The following RADX variants were observed in gnomAD, a reference collection of about 807,000 sequenced individuals.
RADX encodes the protein RPA1 related single stranded DNA binding protein, X-linked.
A neutral mutation model predicts 61.6 loss-of-function variants in RADX; 36 were observed. That is an observed-to-expected ratio of 0.58 (90% confidence interval 0.45 to 0.77). The LOEUF is 0.77. Ranked by LOEUF, RADX falls within the 30% of genes least tolerant of loss-of-function variation. The pLI, the probability that RADX is intolerant of heterozygous loss-of-function variation, is 0.00. For missense variants in RADX, 497 were observed against 651.1 expected (o/e 0.76, Z 2.58); for synonymous variants, 272 against 237.9 (o/e 1.14, Z -1.32).
At chrX:106,657,000 C>T (rs1476469535) in intron 11 of RADX, among the ~76,000 whole-genome samples, 5 of 112,029 alleles carry the variant, frequency 4.5e-5, no homozygotes, top group Admixed American at 3.8e-4. Flanking sequence ...ATTGACTTTT[C>T]CTCTCTAACT....
chrX:106,640,522 A>G (rs1927483122), intron 9 of RADX, 30 bp from the exon 10 acceptor site: 1 of 1,065,972 alleles, frequency 9.4e-7, no homozygotes, highest in African/African-American at 1.9e-5. Context: ...GAATTAGCCT[A>G]AAGTGTTTTC....
Position 106,640,618 on chromosome X carries a change from C to T in RADX, c.1801C>T (p.His601Tyr). The T allele has an allele frequency of 8.4e-7, 1 of 1,196,512 alleles. No individual in the cohort carries two copies. Among genetic ancestry groups the T allele is most frequent in the South Asian group, 1.8e-5 (1 of 55,819 alleles). The change falls in exon 10 of 14, where the codon CAT becomes TAT. Residue 601 changes from histidine (H) to tyrosine (Y), a missense_variant. This residue lies in a region of RADX where 267 missense variants were observed against 306.9 expected (regional missense o/e 0.87). Coordinates refer to ENST00000372548, the MANE Select transcript of RADX (RefSeq NM_018015.6). ...VEIQERNGKRHQDDEPVNSQY... is the reference protein window; with the variant it reads ...VEIQERNGKRYQDDEPVNSQY... ...AATTCAAGAAAGAAATGGTAAACGG[C>T]ATCAAGATGATGAGCCTGTGAATTC...
chrX:106,645,823 A>G (rs1418970123), intron 10 of RADX, among the ~76,000 whole-genome samples: 2 of 111,237 alleles, frequency 1.8e-5, no homozygotes, highest in Non-Finnish European at 3.8e-5. Context: ...TCTGTCTAGA[A>G]GATTTGTCCA....
chrX:106,663,998 T>C (rs1384725319), intron 12 of RADX, among the ~76,000 whole-genome samples: 2 of 111,948 alleles, frequency 1.8e-5, no homozygotes, highest in African/African-American at 3.2e-5. Context: ...CTTTAATCCA[T>C]GTTAGAAGTA....
At position 106,612,650 on chromosome X, in the gene RADX, G is replaced by T. The variant is rs1362888796; in HGVS notation, c.570G>T (p.Ala190=). Residue 190 remains alanine (A), a synonymous_variant, in exon 1 of 14, where the codon GCG becomes GCT. Coordinates refer to ENST00000372548, the MANE Select transcript of RADX (RefSeq NM_018015.6). ...PLRGGKSHYL[A]LWNNEDPYGD... ...GAGGCGGGAAGAGTCATTACCTGGC[G>T]CTGTGGAATAACGAAGATCCCTATG... The T allele has an allele frequency of 2.5e-6, 3 of 1,210,621 alleles. No homozygotes were observed. Among genetic ancestry groups the T allele is most frequent in the Non-Finnish European group, 1.1e-6 (1 of 894,972 alleles).
intron 11 of RADX, among the ~76,000 whole-genome samples, 176 bp from the exon 12 acceptor site, chrX:106,661,839 C>T (rs1405207346): frequency 2.7e-5 from 3 of 111,453 alleles, no homozygotes; most frequent in Non-Finnish European, 5.7e-5. Context: ...GAATTTAGTT[C>T]CTCACTTTAA....
At chrX:106,621,925 GTT>G (rs368340491) in intron 1 of RADX, among the ~76,000 whole-genome samples, 4,345 of 89,830 alleles carry the variant, frequency 0.048, 291 homozygotes, top group African/African-American at 0.18. Flanking sequence ...CAATTCTATG[GTT>G]TTTTTTTTTT....
intron 10 of RADX, among the ~76,000 whole-genome samples, chrX:106,645,402 C>T (rs1025399527): frequency 9.0e-6 from 1 of 110,863 alleles, no homozygotes; most frequent in Non-Finnish European, 1.9e-5. Flanking sequence ...CTGTAAACGT[C>T]CCTCTTACTA....
In RADX at chrX:106,637,865, G is replaced by C. The variant is rs1384610432; in HGVS notation, c.1514G>C (p.Gly505Ala). 1 of 1,204,788 alleles carries C rather than the reference G, an allele frequency of 8.3e-7. No individual in the cohort carries two copies. The highest frequency in any genetic ancestry group is 1.1e-6 in the Non-Finnish European group (1 of 890,910). ...SGEQKNMVIG[G>A]YYPYPPVPET... The stretch of plus-strand genomic sequence containing the variant: ...GAACAGAAGAATATGGTTATTGGTG[G>C]ATATTACCCCTATCCACCAGTGCCA... Residue 505 changes from glycine to alanine, a missense_variant, in exon 8 of 14, where the codon GGA becomes GCA. Around this residue, in one of 3 missense-constraint regions of RADX, gnomAD observed 267 missense variants for 306.9 expected, o/e 0.87. Coordinates refer to ENST00000372548, the MANE Select transcript of RADX (RefSeq NM_018015.6).
At chrX:106,662,632 C>T (rs1181139113) in intron 12 of RADX, among the ~76,000 whole-genome samples, 1 of 107,072 alleles carries the variant, frequency 9.3e-6, no homozygotes, top group Admixed American at 1.0e-4. Context: ...ATATTCTCTG[C>T]TTCTTCATTC....
chrX:106,636,897 T>C (rs761661776), intron 7 of RADX, among the ~76,000 whole-genome samples: 250 of 111,764 alleles, frequency 2.2e-3, no homozygotes, highest in African/African-American at 7.9e-3. Flanking sequence ...CAGTCAACTT[T>C]AATTCCTGCT....
Position 106,640,612 on chromosome X carries a change from A to G in RADX, c.1795A>G (p.Lys599Glu). The G allele has an allele frequency of 8.3e-7, 1 of 1,199,063 alleles. No homozygotes were observed. Among genetic ancestry groups the G allele is most frequent in the Non-Finnish European group, 1.1e-6 (1 of 885,363 alleles). The change falls in exon 10 of 14, where the codon AAA becomes GAA. Residue 599 changes from lysine (K) to glutamate (E), a missense_variant. This residue lies in a region of RADX where 267 missense variants were observed against 306.9 expected (regional missense o/e 0.87). Transcript: ENST00000372548. ...AGTAGAAATTCAAGAAAGAAATGGT[A>G]AACGGCATCAAGATGATGAGCCTGT... ...ARVEIQERNG[K>E]RHQDDEPVNS...
intron 11 of RADX, among the ~76,000 whole-genome samples, chrX:106,649,809 G>A (rs1263004225): frequency 1.8e-5 from 2 of 111,427 alleles, no homozygotes; most frequent in Non-Finnish European, 3.8e-5. Flanking sequence ...AGTAGCAAAA[G>A]GAGGGATTGC....
chrX:106,636,712 A>G (rs1391003912), intron 7 of RADX, 65 bp downstream of exon 7: 5 of 552,514 alleles, frequency 9.0e-6, no homozygotes, highest in African/African-American at 2.4e-5. Flanking sequence ...CCTTCAGTAC[A>G]TATTAACTTT....
intron 2 of RADX, among the ~76,000 whole-genome samples, chrX:106,623,578 G>A (rs1927004769): frequency 9.0e-6 from 1 of 110,646 alleles, no homozygotes; most frequent in African/African-American, 3.3e-5. Flanking sequence ...TTTCTTGTGT[G>A]TGTAAATCAC....
intron 13 of RADX, among the ~76,000 whole-genome samples, chrX:106,674,882 G>C (rs1316666261): frequency 9.1e-6 from 1 of 110,308 alleles, no homozygotes; most frequent in East Asian, 2.9e-4. Flanking sequence ...AAATTAGCCA[G>C]ACGTGGTGGT....
At chrX:106,630,398 G>A (rs892228923) in intron 3 of RADX, among the ~76,000 whole-genome samples, 2 of 107,668 alleles carry the variant, frequency 1.9e-5, no homozygotes, top group South Asian at 4.0e-4. Context: ...AAAACCAAAC[G>A]GCAAACACAA....
chrX:106,653,623 G>A (rs1360846420), intron 11 of RADX, among the ~76,000 whole-genome samples: 1 of 109,602 alleles, frequency 9.1e-6, no homozygotes, highest in East Asian at 2.9e-4. Flanking sequence ...TGCCGTGATG[G>A]TTTGCTGCAC....
chrX:106,640,018 T>C (rs1343108947), intron 9 of RADX: 1 of 124,234 alleles, frequency 8.0e-6, no homozygotes, highest in Non-Finnish European at 1.6e-5. Context: ...TGTTTTTGCA[T>C]TCTGTGTAAT....
Sources: gnomAD v4.1 joint callset for allele counts (sites outside exome capture counted in the v4.1 genomes callset) on GRCh38, gnomAD v4.1.1 for gene constraint, gnomAD v4.1.1 regional missense constraint, MANE v1.5 for transcripts, NCBI Gene and HGNC (gene_info 2026-07-23, HGNC 2026-07-21) for gene names.